The following CTNNA2 variants were observed in gnomAD, a reference collection of about 807,000 sequenced individuals.
CTNNA2 encodes the protein catenin alpha-2.
A neutral mutation model predicts 101.0 loss-of-function variants in CTNNA2; 42 were observed. That is an observed-to-expected ratio of 0.42 (90% CI 0.32 to 0.54). The LOEUF (loss-of-function observed/expected upper bound fraction) is 0.54. Among genes scored for constraint, CTNNA2 ranks in the 20% least tolerant of loss-of-function variants. The probability of loss-of-function intolerance (pLI) is 0.14; values close to 1 mark genes in which losing one functional copy is unlikely to be tolerated. For synonymous variants in CTNNA2, 450 were observed against 456.4 expected (o/e 0.99, Z 0.18); for missense variants, 871 against 1,223.1 (o/e 0.71, Z 4.29).
intron 7 of CTNNA2, among the ~76,000 whole-genome samples, chr2:79,997,084 A>T (rs1158142427): frequency 6.6e-6 from 1 of 152,102 alleles, no homozygotes; most frequent in Non-Finnish European, 1.5e-5. Flanking sequence ...AACACTGTCC[A>T]ATTGGTCAAC....
intron 3 of CTNNA2, among the ~76,000 whole-genome samples, chr2:79,770,309 A>G (rs1209861917): frequency 2.0e-5 from 3 of 152,242 alleles, no homozygotes; most frequent in Non-Finnish European, 2.9e-5. Context: ...TGCTATGTGT[A>G]TATTATTTAG....
chr2:79,553,840 T>C (rs1290335928), intron 1 of CTNNA2, among the ~76,000 whole-genome samples: 1 of 152,154 alleles, frequency 6.6e-6, no homozygotes, highest in Non-Finnish European at 1.5e-5. Context: ...GGTAAATATC[T>C]TGGGGCTCAC....
chr2:79,763,496 T>C (rs542263959), intron 3 of CTNNA2, among the ~76,000 whole-genome samples: 93 of 152,230 alleles, frequency 6.1e-4, no homozygotes, highest in Non-Finnish European at 1.1e-3. Flanking sequence ...TGTCTGTTTA[T>C]GTCCTATTTT....
At chr2:79,429,637 G>C (rs1401216030) in intron 4 of CTNNA2, among the ~76,000 whole-genome samples, 1 of 152,036 alleles carries the variant, frequency 6.6e-6, no homozygotes, top group African/African-American at 2.4e-5. Context: ...AACTATCCTT[G>C]TAAAACTCAA....
intron 2 of CTNNA2, among the ~76,000 whole-genome samples, chr2:79,660,341 TAC>T (rs1306729993): frequency 1.3e-5 from 2 of 150,730 alleles, no homozygotes; most frequent in African/African-American, 4.9e-5. Context: ...ATGTATACTA[TAC>T]ATATGTGTAT....
chr2:80,002,857 T>C (rs1574512373), intron 7 of CTNNA2, among the ~76,000 whole-genome samples: 1 of 152,100 alleles, frequency 6.6e-6, no homozygotes, highest in African/African-American at 2.4e-5. Context: ...AAATCACCTG[T>C]TTAGCTTCCT....
In CTNNA2 at chr2:80,551,826, T is replaced by G. The variant is rs139294602; in HGVS notation, c.1541-3867T>G. On this transcript the variant is annotated intron_variant, in intron 11 of 18. Transcript: ENST00000402739. ...ATTGGAGTAGCACTTTTAATTTCTT[T>G]CAAGAACTTTTTCTTGTACTTACAA... is the stretch of plus-strand genomic sequence containing the variant. Among the ~76,000 whole-genome samples, 875 of 152,328 alleles carry G rather than the reference T, an allele frequency of 5.7e-3. 10 individuals are homozygous for G. The highest frequency in any genetic ancestry group is 0.021 in the African/African-American group (854 of 41,570).
At chr2:80,149,084 G>A (rs1235308990) in intron 7 of CTNNA2, among the ~76,000 whole-genome samples, 1 of 147,066 alleles carries the variant, frequency 6.8e-6, no homozygotes, top group Non-Finnish European at 1.5e-5. Context: ...CTGGAGTGCA[G>A]TGGCGTGATT....
chr2:80,568,576 T>C (rs1054743395), intron 12 of CTNNA2, among the ~76,000 whole-genome samples: 2 of 151,762 alleles, frequency 1.3e-5, no homozygotes, highest in Admixed American at 6.6e-5. Flanking sequence ...CGTGTGTGTG[T>C]GTGTGTGTGT....
intron 6 of CTNNA2, among the ~76,000 whole-genome samples, chr2:79,887,707 T>C (rs539389466): frequency 6.6e-6 from 1 of 152,328 alleles, no homozygotes; most frequent in African/African-American, 2.4e-5. Flanking sequence ...TTTGATACTT[T>C]TTTGAAAAGT....
At chr2:80,491,407 A>G (rs1195367490) in intron 9 of CTNNA2, among the ~76,000 whole-genome samples, 1 of 152,152 alleles carries the variant, frequency 6.6e-6, no homozygotes, top group African/African-American at 2.4e-5. Flanking sequence ...TTTAATTTTT[A>G]CTGTTCCATG....
At chr2:79,898,969 GGAA>G (rs1229449360) in intron 6 of CTNNA2, among the ~76,000 whole-genome samples, 5 of 152,152 alleles carry the variant, frequency 3.3e-5, no homozygotes, top group Admixed American at 3.3e-4. Context: ...GGTAGATCCA[GGAA>G]GAAGAACTGG....
At chr2:80,543,568 A>G (rs72622681) in intron 9 of CTNNA2, among the ~76,000 whole-genome samples, 10,381 of 152,236 alleles carry the variant, frequency 0.068, 850 homozygotes, top group African/African-American at 0.19. Flanking sequence ...GGTTTATTGA[A>G]GTAATCTTTA....
At chr2:80,346,536 A>C (rs556063730) in intron 7 of CTNNA2, among the ~76,000 whole-genome samples, 3 of 152,136 alleles carry the variant, frequency 2.0e-5, no homozygotes, top group Non-Finnish European at 2.9e-5. Flanking sequence ...ACAATTCAAC[A>C]TGAAATTGGG....
chr2:80,404,711 G>A (rs1678903329), intron 8 of CTNNA2, among the ~76,000 whole-genome samples: 1 of 152,100 alleles, frequency 6.6e-6, no homozygotes, highest in East Asian at 1.9e-4. Flanking sequence ...GTCTTCCCAG[G>A]GCAAGAGGTC....
intron 7 of CTNNA2, among the ~76,000 whole-genome samples, chr2:80,019,613 C>A (rs1311678160): frequency 6.6e-6 from 1 of 152,126 alleles, no homozygotes; most frequent in East Asian, 1.9e-4. Flanking sequence ...CTTTTATTTT[C>A]TTGTCAGGCC....
intron 1 of CTNNA2, among the ~76,000 whole-genome samples, chr2:79,587,140 G>A (rs555730478): frequency 6.6e-6 from 1 of 152,166 alleles, no homozygotes; most frequent in Non-Finnish European, 1.5e-5. Context: ...GTGTGCGCGT[G>A]TGTCTTTTTT....
intron 2 of CTNNA2, among the ~76,000 whole-genome samples, chr2:79,221,893 A>G (rs1674349871): frequency 6.6e-6 from 1 of 152,194 alleles, no homozygotes; most frequent in Admixed American, 6.5e-5. Context: ...ACTTGTGGTC[A>G]TGGAAGATAA....
At chr2:80,571,978 A>G (rs1197752831) in intron 12 of CTNNA2, among the ~76,000 whole-genome samples, 1 of 152,152 alleles carries the variant, frequency 6.6e-6, no homozygotes. Flanking sequence ...CCAATGTACA[A>G]TTACTTACCC....
Sources: gnomAD v4.1 joint callset for allele counts (sites outside exome capture counted in the v4.1 genomes callset) on GRCh38, gnomAD v4.1.1 for gene constraint, MANE v1.5 for transcripts, NCBI Gene and HGNC (gene_info 2026-07-23, HGNC 2026-07-21) for gene names.